LRRIQ3: variants seen among roughly 807,000 people sequenced by gnomAD.
LRRIQ3 encodes leucine rich repeats and IQ motif containing 3, also known as leucine-rich repeat and IQ domain-containing protein 3.
In LRRIQ3, 75 loss-of-function variants were observed where a neutral mutation model predicts 59.3. That is an observed-to-expected ratio of 1.26 (90% confidence interval 1.05 to 1.53). The LOEUF is 1.53. LRRIQ3 is among the 40% of genes most tolerant of loss of function. The pLI is 0.00. For synonymous variants in LRRIQ3, 250 were observed against 231.3 expected (o/e 1.08, Z -0.73); for missense variants, 831 against 710.0 (o/e 1.17, Z -1.94).
At chr1:74,052,870 A>T (rs1654409170) in intron 6 of LRRIQ3, among the ~76,000 whole-genome samples, 1 of 152,180 alleles carries the variant, frequency 6.6e-6, no homozygotes, top group African/African-American at 2.4e-5. Flanking sequence ...TTAAGTCTTC[A>T]ATTAATTTTG....
chr1:74,135,811 T>A (rs949307024), intron 4 of LRRIQ3, among the ~76,000 whole-genome samples: 2 of 151,776 alleles, frequency 1.3e-5, no homozygotes. Context: ...AAATCCAAAC[T>A]TCCTCTTGAA....
Position 74,095,418 on chromosome 1 carries a change from A to G in LRRIQ3, c.867+13976T>C, listed in dbSNP as rs1454435224. On this transcript the variant is annotated intron_variant, in intron 5 of 7. Transcript: ENST00000354431. ...TTCTCTCATAGAACTGTTCATGTAA[A>G]TTTTTACTCGTGTCTCTACATACAT... Among the ~76,000 whole-genome samples, 3 of 152,128 alleles carry G rather than the reference A, an allele frequency of 2.0e-5. No homozygotes were observed. The East Asian group carries it at 5.8e-4, about 29-fold the overall frequency.
chr1:74,064,319 C>T (rs1329508619), intron 6 of LRRIQ3, among the ~76,000 whole-genome samples: 1 of 151,812 alleles, frequency 6.6e-6, no homozygotes, highest in African/African-American at 2.4e-5. Flanking sequence ...TTTGTTACAC[C>T]TGCCTCCTTT....
At chr1:74,195,665 A>G (rs948481058) in intron 1 of LRRIQ3, among the ~76,000 whole-genome samples, 5 of 152,252 alleles carry the variant, frequency 3.3e-5, no homozygotes, top group Admixed American at 2.0e-4. Context: ...TCAATTTATT[A>G]TAGTCTAGTA....
Position 74,026,866 on chromosome 1 carries a change from C to T in LRRIQ3, c.1822G>A (p.Ala608Thr). 6.2e-7 allele frequency: 1 copy of T among 1,608,446 alleles called. No homozygotes were observed. Among genetic ancestry groups the T allele is most frequent in the Non-Finnish European group, 8.5e-7 (1 of 1,177,528 alleles). Residue 608 changes from alanine (A) to threonine (T), a missense_variant, in exon 8 of 8, where the codon GCA becomes ACA. Physicochemically the swap from Ala to Thr is moderately conservative, Grantham distance 58. Coordinates refer to ENST00000354431, the MANE Select transcript of LRRIQ3 (RefSeq NM_001105659.2). ...AAGTCTAAATTTGTTTTCACAATTGCTACTTTTGTTTTAGCATCTTGAAGT... is the reference window on the plus strand; with the variant it reads ...AAGTCTAAATTTGTTTTCACAATTGTTACTTTTGTTTTAGCATCTTGAAGT... ...ERLQDAKTKV[A>T]IVKTNLDFKV...
intron 5 of LRRIQ3, among the ~76,000 whole-genome samples, chr1:74,077,410 C>A (rs947942976): frequency 6.6e-6 from 1 of 151,732 alleles, no homozygotes; most frequent in South Asian, 2.1e-4. Context: ...GATCCTGTTT[C>A]CACTAGTACT....
At chr1:74,105,508 C>A (rs1387163118) in intron 5 of LRRIQ3, among the ~76,000 whole-genome samples, 1 of 151,930 alleles carries the variant, frequency 6.6e-6, no homozygotes, top group Non-Finnish European at 1.5e-5. Context: ...CCACCTTGGC[C>A]TCCCTAAGTG....
intron 7 of LRRIQ3, among the ~76,000 whole-genome samples, chr1:74,030,290 C>G (rs1653661313): frequency 2.0e-5 from 3 of 152,050 alleles, no homozygotes; most frequent in Non-Finnish European, 4.4e-5. Context: ...CAAAAAAGAG[C>G]CCGCAATGCC....
At chr1:74,190,176 C>T (rs150556348) in intron 1 of LRRIQ3, among the ~76,000 whole-genome samples, 1 of 152,154 alleles carries the variant, frequency 6.6e-6, no homozygotes, top group East Asian at 1.9e-4. Flanking sequence ...TCATCAGGAA[C>T]AGACACACAG....
intron 4 of LRRIQ3, among the ~76,000 whole-genome samples, chr1:74,124,803 G>A (rs1181205836): frequency 1.3e-5 from 2 of 151,812 alleles, no homozygotes; most frequent in African/African-American, 4.8e-5. Flanking sequence ...GATTCCTCCT[G>A]TTTTGTTCTT....
chr1:74,085,210 A>G (rs1646313955), intron 5 of LRRIQ3, among the ~76,000 whole-genome samples: 1 of 151,778 alleles, frequency 6.6e-6, no homozygotes, highest in South Asian at 2.1e-4. Flanking sequence ...AACTCAAAAC[A>G]ATATAAATAG....
chr1:74,040,375 C>T (rs779655819), intron 7 of LRRIQ3, among the ~76,000 whole-genome samples: 13 of 151,998 alleles, frequency 8.6e-5, no homozygotes, highest in Non-Finnish European at 1.3e-4. Context: ...AATATTAGAC[C>T]GATTAATGAG....
intron 4 of LRRIQ3, among the ~76,000 whole-genome samples, chr1:74,153,826 A>G (rs530023327): frequency 2.8e-4 from 43 of 152,334 alleles, no homozygotes; most frequent in African/African-American, 1.0e-3. Context: ...GAATAAAATG[A>G]TTAAATTTGT....
rs1448007793 is a variant in LRRIQ3, at chr1:74,180,574, C to T, written c.573+1964G>A. On this transcript the variant is annotated intron_variant, in intron 3 of 7. Transcript: ENST00000354431. ...GTTCTTTTCTGTCCCAGTTATCCAG[C>T]TTCAAAATAGTAGAGGAGTATTTCC... 16 of 689,048 alleles carry T rather than the reference C, an allele frequency of 2.3e-5. 1 individual carries two copies. Among genetic ancestry groups the T allele is most frequent in the Non-Finnish European group, 3.4e-5 (15 of 443,428 alleles). The allele number at this position is 689,048 out of a possible 1,614,324, so 42.7% of individuals were successfully genotyped here.
intron 5 of LRRIQ3, among the ~76,000 whole-genome samples, chr1:74,103,721 A>G (rs751202443): frequency 1.3e-5 from 2 of 151,968 alleles, no homozygotes; most frequent in Non-Finnish European, 2.9e-5. Context: ...ATAAAAAAGA[A>G]GATGAGTAGT....
chr1:74,037,724 G>C (rs1653914946), intron 7 of LRRIQ3, among the ~76,000 whole-genome samples: 2 of 152,158 alleles, frequency 1.3e-5, no homozygotes, highest in African/African-American at 2.4e-5. Context: ...GAGGAAGGAA[G>C]AGCAGTGTGC....
At chr1:74,109,621 T>C in intron 4 of LRRIQ3, 68 bp from the exon 5 acceptor site, 1 of 1,264,394 alleles carries the variant, frequency 7.9e-7, no homozygotes, top group Non-Finnish European at 1.1e-6. Context: ...AAATTAGTCA[T>C]GAGTTCACTT....
chr1:74,151,667 C>T (rs1248514092), intron 4 of LRRIQ3, among the ~76,000 whole-genome samples: 1 of 152,122 alleles, frequency 6.6e-6, no homozygotes, highest in Non-Finnish European at 1.5e-5. Context: ...GGATCTGAAG[C>T]ATTCCGGGAC....
intron 4 of LRRIQ3, among the ~76,000 whole-genome samples, chr1:74,133,956 C>T (rs140413433): frequency 6.6e-6 from 1 of 151,972 alleles, no homozygotes; most frequent in Admixed American, 6.6e-5. Flanking sequence ...TGAAATGACA[C>T]TCAATGCTTT....
Sources: gnomAD v4.1 joint callset for allele counts (sites outside exome capture counted in the v4.1 genomes callset) on GRCh38, gnomAD v4.1.1 for gene constraint, MANE v1.5 for transcripts, NCBI Gene and HGNC (gene_info 2026-07-23, HGNC 2026-07-21) for gene names.